Variants in ADARB2 observed in about 807,000 individuals in gnomAD.
ADARB2 encodes the protein inactive double-stranded RNA-specific editase B2.
In ADARB2, 25 loss-of-function variants were observed where a neutral mutation model predicts 62.2. The ratio of observed to expected loss-of-function variants is 0.40; its 90% CI spans 0.29 to 0.56. The LOEUF (loss-of-function observed/expected upper bound fraction) is 0.56. Among genes scored for constraint, ADARB2 ranks in the 20% least tolerant of loss-of-function variants. The probability of loss-of-function intolerance (pLI) is 0.43; values close to 1 mark genes in which losing one functional copy is unlikely to be tolerated. For synonymous variants in ADARB2, 572 were observed against 500.8 expected (o/e 1.14, Z -1.90); for missense variants, 1,071 against 1,077.4 (o/e 0.99, Z 0.08).
intron 1 of ADARB2, among the ~76,000 whole-genome samples, chr10:1,659,497 C>T (rs1834216773): frequency 6.6e-6 from 1 of 152,258 alleles, no homozygotes; most frequent in African/African-American, 2.4e-5. Flanking sequence ...GATCCCTCTT[C>T]CCTGGAAGGA....
At chr10:1,716,019 G>A (rs904798426) in intron 1 of ADARB2, among the ~76,000 whole-genome samples, 2 of 152,132 alleles carry the variant, frequency 1.3e-5, no homozygotes, top group African/African-American at 2.4e-5. Context: ...CCTCCCGCCC[G>A]CTGAGTCAGT....
At chr10:1,674,659 G>C (rs1418787096) in intron 1 of ADARB2, among the ~76,000 whole-genome samples, 1 of 152,068 alleles carries the variant, frequency 6.6e-6, no homozygotes, top group African/African-American at 2.4e-5. Context: ...TTAGATCACC[G>C]TGTGATGCAT....
intron 3 of ADARB2, among the ~76,000 whole-genome samples, chr10:1,359,941 T>C (rs1029285258): frequency 1.3e-5 from 2 of 152,234 alleles, no homozygotes; most frequent in Admixed American, 6.5e-5. Context: ...ACTTTTTTCA[T>C]TGACTGTTAC....
rs1190959062 is a variant in ADARB2 at position 1,358,076 on chromosome 10, GAGA to G, written c.1077+4949_1077+4951del. ...TAACAGAGAGAGAGACAGACAGAGA[GAGA>G]AGGAGAAAAAAATCACCCTGGACTT... On this transcript the variant is annotated intron_variant, in intron 3 of 9. Transcript: ENST00000381312. 2.6e-5 allele frequency among the ~76,000 whole-genome samples: 4 copies of G among 152,350 alleles called. No homozygotes were observed. The South Asian group carries it at 8.3e-4, about 32-fold the overall frequency.
chr10:1,183,046 G>T lies in ADARB2; in HGVS notation c.*147C>A. On this transcript the variant is annotated 3_prime_UTR_variant, in exon 10 of 10. Transcript: ENST00000381312. ...AGGCACGTTCTGAATTTGTGTTGTT[G>T]CTCGTCCAAACATTGCACACTCGCG... 1.1e-6 allele frequency: 1 copy of T among 904,852 alleles called. No homozygotes were observed. Among genetic ancestry groups the T allele is most frequent in the Non-Finnish European group, 1.6e-6 (1 of 610,026 alleles). The allele number at this position is 904,852 out of a possible 1,614,324, so 56.1% of individuals were successfully genotyped here.
At chr10:1,351,322 G>A (rs561936824) in intron 3 of ADARB2, among the ~76,000 whole-genome samples, 6 of 152,112 alleles carry the variant, frequency 3.9e-5, no homozygotes, top group Non-Finnish European at 8.8e-5. Flanking sequence ...TCATCAATAC[G>A]GAGGCTACCC....
chr10:1,249,176 T>G (rs1233760420), intron 4 of ADARB2, among the ~76,000 whole-genome samples: 1 of 152,234 alleles, frequency 6.6e-6, no homozygotes, highest in East Asian at 1.9e-4. Context: ...ACACAGTGGT[T>G]CACACCTGTA....
At chr10:1,595,935 C>T (rs546059402) in intron 1 of ADARB2, among the ~76,000 whole-genome samples, 37 of 152,352 alleles carry the variant, frequency 2.4e-4, no homozygotes, top group Non-Finnish European at 4.6e-4. Context: ...TGGCCTCGCT[C>T]ATGCCTTCTG....
At chr10:1,445,106 C>T (rs1210799611) in intron 1 of ADARB2, among the ~76,000 whole-genome samples, 1 of 150,606 alleles carries the variant, frequency 6.6e-6, no homozygotes, top group Non-Finnish European at 1.5e-5. Flanking sequence ...CCCATCTATC[C>T]ATCCATCCAT....
chr10:1,328,996 T>TAAAA (rs376461606), intron 3 of ADARB2, among the ~76,000 whole-genome samples: 1,293 of 75,610 alleles, frequency 0.017, 48 homozygotes, highest in Non-Finnish European at 0.022. Context: ...GACCCTGTCT[T>TAAAA]AAAAAAAAAA....
chr10:1,528,350 C>A (rs750441916), intron 1 of ADARB2, among the ~76,000 whole-genome samples: 1 of 152,212 alleles, frequency 6.6e-6, no homozygotes, highest in Admixed American at 6.5e-5. Context: ...ATGTTTGGAA[C>A]CCCTGGCCAC....
chr10:1,410,836 G>C (rs1034997387), intron 1 of ADARB2, among the ~76,000 whole-genome samples: 2 of 152,190 alleles, frequency 1.3e-5, no homozygotes, highest in African/African-American at 4.8e-5. Context: ...GCCTTGAGAC[G>C]TCTGTGAGTG....
intron 8 of ADARB2, among the ~76,000 whole-genome samples, chr10:1,198,280 T>C (rs1357599878): frequency 6.6e-6 from 1 of 152,242 alleles, no homozygotes; most frequent in Non-Finnish European, 1.5e-5. Context: ...ATTCTGCTAA[T>C]ACATAATCTT....
intron 3 of ADARB2, among the ~76,000 whole-genome samples, chr10:1,340,934 A>T (rs148070664): frequency 7.4e-4 from 112 of 151,932 alleles, no homozygotes; most frequent in Non-Finnish European, 1.5e-3. Context: ...AGTGTCCCGC[A>T]GTGGTGATAA....
intron 1 of ADARB2, among the ~76,000 whole-genome samples, chr10:1,712,545 G>A (rs1001204507): frequency 3.3e-5 from 5 of 151,882 alleles, no homozygotes; most frequent in South Asian, 2.1e-4. Context: ...GAAGCAACCC[G>A]GGAGGATTGG....
At chr10:1,474,922 C>T (rs865879308) in intron 1 of ADARB2, among the ~76,000 whole-genome samples, 15 of 152,270 alleles carry the variant, frequency 9.9e-5, no homozygotes, top group African/African-American at 3.6e-4. Flanking sequence ...GGACCGAGCC[C>T]GGGGCCTCAG....
intron 1 of ADARB2, among the ~76,000 whole-genome samples, chr10:1,508,231 T>A (rs150366516): frequency 7.9e-4 from 121 of 152,278 alleles, no homozygotes; most frequent in African/African-American, 2.9e-3. Context: ...CCGACCTCCA[T>A]CCATCCCCAG....
intron 1 of ADARB2, among the ~76,000 whole-genome samples, chr10:1,381,183 C>T (rs1030706067): frequency 3.3e-5 from 5 of 152,080 alleles, no homozygotes; most frequent in African/African-American, 7.3e-5. Context: ...TACACACACA[C>T]ACACACACAC....
chr10:1,570,317 CTG>C (rs1832917626), intron 1 of ADARB2, among the ~76,000 whole-genome samples: 1 of 152,192 alleles, frequency 6.6e-6, no homozygotes, highest in South Asian at 2.1e-4. Flanking sequence ...GTTTGCTTTG[CTG>C]TCTCTCCCCC....
Sources: gnomAD v4.1 joint callset for allele counts (sites outside exome capture counted in the v4.1 genomes callset) on GRCh38, gnomAD v4.1.1 for gene constraint, MANE v1.5 for transcripts, NCBI Gene and HGNC (gene_info 2026-07-23, HGNC 2026-07-21) for gene names.